SDK1: variants seen among roughly 807,000 people sequenced by gnomAD.
SDK1 encodes the protein sidekick cell adhesion molecule 1, also known as protein sidekick-1.
A neutral mutation model predicts 245.5 loss-of-function variants in SDK1; 157 were observed. That is an observed-to-expected ratio of 0.64 (90% CI 0.56 to 0.73). The LOEUF (loss-of-function observed/expected upper bound fraction) is 0.73, where lower values mean the gene tolerates loss of function less well. Ranked by LOEUF, SDK1 falls within the 30% of genes least tolerant of loss-of-function variation. SDK1 has a pLI of 0.00. For missense variants in SDK1, 3,583 were observed against 3,002.3 expected (o/e 1.19, Z -4.52); for synonymous variants, 1,647 against 1,278.5 (o/e 1.29, Z -6.15).
intron 14 of SDK1, among the ~76,000 whole-genome samples, chr7:4,008,036 C>T (rs538317974): frequency 6.6e-6 from 1 of 152,332 alleles, no homozygotes; most frequent in South Asian, 2.1e-4. Flanking sequence ...TGTTGCAAAA[C>T]TTCTGCACCA....
intron 25 of SDK1, among the ~76,000 whole-genome samples, 155 bp from the exon 26 acceptor site, chr7:4,127,226 T>C (rs1202214898): frequency 6.6e-6 from 1 of 152,218 alleles, no homozygotes; most frequent in Non-Finnish European, 1.5e-5. Flanking sequence ...GATTTACATG[T>C]CCGTTATACT....
chr7:3,384,023 C>G (rs1781551940), intron 1 of SDK1, among the ~76,000 whole-genome samples: 1 of 152,104 alleles, frequency 6.6e-6, no homozygotes, highest in African/African-American at 2.4e-5. Context: ...TGAGGTTTTA[C>G]TTGAAGCTTG....
intron 5 of SDK1, among the ~76,000 whole-genome samples, chr7:3,927,444 C>T (rs1583575495): frequency 6.6e-6 from 1 of 152,134 alleles, no homozygotes; most frequent in East Asian, 1.9e-4. Flanking sequence ...GGAAAATAAG[C>T]ATAACCCCTT....
At chr7:4,063,095 C>G (rs1453711694) in intron 19 of SDK1, among the ~76,000 whole-genome samples, 1 of 152,098 alleles carries the variant, frequency 6.6e-6, no homozygotes, top group Non-Finnish European at 1.5e-5. Flanking sequence ...ACTGGAAGTC[C>G]TAGCCACAGC....
At position 3,430,969 on chromosome 7, in the gene SDK1, T is replaced by A. The variant is rs141324830; in HGVS notation, c.298+129085T>A. ...AGGATGGAGTGCAGTGGCTAGATCT[T>A]GGCTTACTGCAACCTCCGCCTCTCG... On this transcript the variant is annotated intron_variant, in intron 1 of 44. Coordinates refer to ENST00000404826, the MANE Select transcript of SDK1 (RefSeq NM_152744.4). 1.1e-4 allele frequency among the ~76,000 whole-genome samples: 16 copies of A among 152,332 alleles called. No individual in the cohort carries two copies. In the East Asian group the frequency reaches 2.9e-3, roughly 28 times the overall value.
At chr7:3,509,084 G>A (rs1401963029) in intron 1 of SDK1, among the ~76,000 whole-genome samples, 2 of 139,824 alleles carry the variant, frequency 1.4e-5, no homozygotes, top group Non-Finnish European at 3.1e-5. Flanking sequence ...GTGTGTGTGT[G>A]CGTGTGTGTG....
chr7:3,705,827 G>A (rs1163347378), intron 4 of SDK1, among the ~76,000 whole-genome samples: 1 of 151,942 alleles, frequency 6.6e-6, no homozygotes, highest in Non-Finnish European at 1.5e-5. Context: ...GGTCATCCTT[G>A]ACCTATTTCA....
chr7:3,443,192 CA>C (rs1162620035), intron 1 of SDK1, among the ~76,000 whole-genome samples: 1 of 151,120 alleles, frequency 6.6e-6, no homozygotes, highest in Non-Finnish European at 1.5e-5. Context: ...TAAGCATTAA[CA>C]AAAAAACTTA....
intron 13 of SDK1, among the ~76,000 whole-genome samples, chr7:3,985,104 C>G (rs897936395): frequency 2.0e-5 from 3 of 152,190 alleles, no homozygotes; most frequent in African/African-American, 7.2e-5. Context: ...ATCCCCATGA[C>G]TGGCCTTCCC....
At chr7:3,574,386 G>A (rs1429078188) in intron 1 of SDK1, among the ~76,000 whole-genome samples, 1 of 152,008 alleles carries the variant, frequency 6.6e-6, no homozygotes, top group Admixed American at 6.6e-5. Context: ...AAAGTGCTGG[G>A]ATTACAGGCA....
chr7:3,919,878 G>A (rs1216293272), intron 5 of SDK1, among the ~76,000 whole-genome samples: 23 of 152,166 alleles, frequency 1.5e-4, no homozygotes, highest in Non-Finnish European at 1.5e-5. Context: ...TCCCTCTGAG[G>A]AAGAGACCAG....
chr7:4,072,602 T>C (rs1040908304), intron 20 of SDK1, among the ~76,000 whole-genome samples: 2 of 152,188 alleles, frequency 1.3e-5, no homozygotes, highest in African/African-American at 2.4e-5. Flanking sequence ...GAGTGTCTCA[T>C]TGAGAAGAGC....
At chr7:3,926,739 A>G (rs897299736) in intron 5 of SDK1, among the ~76,000 whole-genome samples, 1 of 152,098 alleles carries the variant, frequency 6.6e-6, no homozygotes, top group Non-Finnish European at 1.5e-5. Context: ...ACCACTTTCT[A>G]CGACTCCGTA....
chr7:3,790,784 G>A (rs71527458), intron 4 of SDK1, among the ~76,000 whole-genome samples: 4 of 152,146 alleles, frequency 2.6e-5, no homozygotes, highest in Non-Finnish European at 5.9e-5. Context: ...GGAAACAAGA[G>A]CGAAACTGTC....
At chr7:3,906,768 C>A (rs1199694721) in intron 5 of SDK1, among the ~76,000 whole-genome samples, 1 of 151,880 alleles carries the variant, frequency 6.6e-6, no homozygotes, top group African/African-American at 2.4e-5. Flanking sequence ...GCTGGGACTA[C>A]AGGTGCACGC....
intron 5 of SDK1, among the ~76,000 whole-genome samples, chr7:3,944,188 T>G (rs1237263347): frequency 6.6e-6 from 1 of 152,250 alleles, no homozygotes; most frequent in East Asian, 1.9e-4. Flanking sequence ...CATTCCATGA[T>G]TTAAAGCTTT....
At chr7:4,188,112 G>A (rs763703419) in intron 35 of SDK1, among the ~76,000 whole-genome samples, 5 of 152,184 alleles carry the variant, frequency 3.3e-5, no homozygotes, top group African/African-American at 9.7e-5. Context: ...GGCCTCTTCC[G>A]CAACATGTGA....
At position 3,457,402 on chromosome 7, in the gene SDK1, C is replaced by T. The variant is rs552646241; in HGVS notation, c.298+155518C>T. Reference sequence around the variant, plus strand: ...TTCTTGTGCCTTTCCCGAGCCAATCCCCACAGACACTATACACAATGTCTT... The same window carrying T: ...TTCTTGTGCCTTTCCCGAGCCAATCTCCACAGACACTATACACAATGTCTT... On this transcript the variant is annotated intron_variant, in intron 1 of 44. Coordinates refer to ENST00000404826, the MANE Select transcript of SDK1 (RefSeq NM_152744.4). Among the ~76,000 whole-genome samples the T allele has an allele frequency of 7.9e-4, 120 of 152,148 alleles. 1 individual carries two copies. The highest frequency in any genetic ancestry group is 1.4e-3 in the Non-Finnish European group (97 of 68,004).
chr7:3,507,752 C>A (rs528564129), intron 1 of SDK1, among the ~76,000 whole-genome samples: 1 of 152,118 alleles, frequency 6.6e-6, no homozygotes. Flanking sequence ...TCCTTCAGTG[C>A]GGGACTCCCT....
Sources: allele counts gnomAD v4.1 joint callset (sites outside exome capture counted in the v4.1 genomes callset), GRCh38; gene constraint gnomAD v4.1.1; transcripts MANE v1.5; gene names NCBI Gene and HGNC (gene_info 2026-07-23, HGNC 2026-07-21).